Variants in EYS observed in about 807,000 individuals in gnomAD.
The protein encoded by EYS is EGF-like photoreceptor maintenance factor.
EYS carries 250 observed loss-of-function variants against 282.1 expected under a neutral mutation model. The ratio of observed to expected loss-of-function variants is 0.89; its 90% CI spans 0.80 to 0.98. EYS has a LOEUF of 0.98. Ranked by LOEUF, EYS falls within the 50% of genes least tolerant of loss-of-function variation. The probability of loss-of-function intolerance (pLI) is 0.00; values close to 1 mark genes in which losing one functional copy is unlikely to be tolerated. For missense variants in EYS, 4,016 were observed against 3,709.0 expected, an observed-to-expected ratio of 1.08 and a Z score of -2.15; for synonymous variants, 1,355 against 1,282.9, an observed-to-expected ratio of 1.06 and a Z score of -1.20.
chr6:64,653,612 T>A (rs1562114558), intron 22 of EYS, among the ~76,000 whole-genome samples: 1 of 152,088 alleles, frequency 6.6e-6, no homozygotes, highest in Non-Finnish European at 1.5e-5. Context: ...TTCCCCAGGC[T>A]GGAAGGCAGT....
intron 13 of EYS, among the ~76,000 whole-genome samples, chr6:65,039,353 C>A (rs1026692487): frequency 6.6e-6 from 1 of 151,392 alleles, no homozygotes; most frequent in African/African-American, 2.4e-5. Flanking sequence ...TTTTCACTTT[C>A]ATTGATCAAA....
chr6:65,213,031 A>ATT (rs1420205130), intron 12 of EYS, among the ~76,000 whole-genome samples: 1 of 150,810 alleles, frequency 6.6e-6, no homozygotes, highest in African/African-American at 2.4e-5. Flanking sequence ...GTTTTTCTTT[A>ATT]TTTTTTTTTC....
chr6:64,821,848 C>A (rs1179150077), intron 20 of EYS, 125 bp from the exon 21 acceptor site: 2 of 519,102 alleles, frequency 3.9e-6, no homozygotes, highest in Non-Finnish European at 6.9e-6. Context: ...ATGAGCAATA[C>A]AAAGCAGAGT....
intron 22 of EYS, among the ~76,000 whole-genome samples, chr6:64,662,501 G>T (rs1005006788): frequency 7.9e-5 from 12 of 152,032 alleles, no homozygotes; most frequent in African/African-American, 2.2e-4. Context: ...ATAATTTATT[G>T]TCCCGTGGGA....
At chr6:64,111,260 T>C (rs1369442783) in intron 31 of EYS, among the ~76,000 whole-genome samples, 1 of 152,058 alleles carries the variant, frequency 6.6e-6, no homozygotes, top group Non-Finnish European at 1.5e-5. Context: ...ATGTCTGCCT[T>C]AGAAGGCAGG....
At chr6:63,908,875 G>C (rs1773849364) in intron 35 of EYS, among the ~76,000 whole-genome samples, 1 of 152,104 alleles carries the variant, frequency 6.6e-6, no homozygotes, top group South Asian at 2.1e-4. Flanking sequence ...AGTGGAAAAA[G>C]ATGTTTCTGG....
intron 14 of EYS, among the ~76,000 whole-genome samples, chr6:64,947,403 C>A (rs904100973): frequency 1.3e-5 from 2 of 151,722 alleles, no homozygotes; most frequent in African/African-American, 4.8e-5. Context: ...TTGAACAGGG[C>A]CAATTGGTTT....
intron 35 of EYS, among the ~76,000 whole-genome samples, chr6:63,956,615 G>C (rs1477262088): frequency 6.6e-6 from 1 of 152,046 alleles, no homozygotes; most frequent in Non-Finnish European, 1.5e-5. Context: ...TTGACAATTG[G>C]ATGTCTTTAT....
intron 22 of EYS, among the ~76,000 whole-genome samples, chr6:64,649,561 A>T (rs1768483379): frequency 6.6e-6 from 1 of 152,114 alleles, no homozygotes; most frequent in South Asian, 2.1e-4. Context: ...GATGGTCTTC[A>T]ACTCCTAACC....
chr6:65,208,010 T>G (rs146672942), intron 12 of EYS, among the ~76,000 whole-genome samples: 372 of 151,696 alleles, frequency 2.5e-3, no homozygotes, highest in Non-Finnish European at 4.4e-3. Context: ...CAAAAATAGA[T>G]AACTGGGAAT....
chr6:64,414,352 T>C (rs1773998922), intron 28 of EYS, among the ~76,000 whole-genome samples: 1 of 152,072 alleles, frequency 6.6e-6, no homozygotes, highest in Non-Finnish European at 1.5e-5. Flanking sequence ...TTGTGTAAAA[T>C]TAAGTTTGAG....
At position 64,728,209 on chromosome 6, in the gene EYS, C is replaced by T. The variant is rs114129523; in HGVS notation, c.3443+85169G>A. Among the ~76,000 whole-genome samples the T allele has an allele frequency of 2.1e-3, 324 of 152,228 alleles. 2 individuals carry two copies. Among genetic ancestry groups the T allele is most frequent in the African/African-American group, 7.5e-3 (312 of 41,540 alleles). On this transcript the variant is annotated intron_variant, in intron 22 of 42. Transcript: ENST00000503581. ...GTCTAGTGAGGAGTACCCATGACCC[C>T]TGAAGCCCCAGAGGATGTGAGTTAC...
intron 19 of EYS, among the ~76,000 whole-genome samples, chr6:64,873,921 C>T (rs777315126): frequency 2.8e-4 from 43 of 152,052 alleles, no homozygotes; most frequent in Non-Finnish European, 5.0e-4. Context: ...GCCAAGATTT[C>T]AAATTGCAAA....
At chr6:64,047,985 A>C (rs1770684435) in intron 33 of EYS, among the ~76,000 whole-genome samples, 1 of 152,136 alleles carries the variant, frequency 6.6e-6, no homozygotes. Flanking sequence ...GGCTCACTGC[A>C]ACCTCTGCCT....
At chr6:64,329,585 T>C (rs1770563738) in intron 29 of EYS, among the ~76,000 whole-genome samples, 1 of 152,038 alleles carries the variant, frequency 6.6e-6, no homozygotes, top group Non-Finnish European at 1.5e-5. Context: ...TAGCCATAAA[T>C]CAGGCACCCG....
At chr6:64,805,019 C>T (rs1226729641) in intron 22 of EYS, among the ~76,000 whole-genome samples, 2 of 151,834 alleles carry the variant, frequency 1.3e-5, no homozygotes, top group Admixed American at 6.6e-5. Context: ...AAAATATTTG[C>T]TGAATTAAGT....
intron 22 of EYS, among the ~76,000 whole-genome samples, chr6:64,690,490 AG>A (rs563762881): frequency 2.0e-4 from 31 of 152,330 alleles, no homozygotes; most frequent in Middle Eastern, 3.4e-3. Flanking sequence ...ATATACCCAA[AG>A]GATTATAAAT....
At chr6:65,542,473 ATG>A (rs35318949) in intron 2 of EYS, among the ~76,000 whole-genome samples, 13,885 of 146,232 alleles carry the variant, frequency 0.095, 1,386 homozygotes, top group African/African-American at 0.25. Flanking sequence ...TAACAATAGA[ATG>A]TGTGTGTGTG....
At chr6:63,784,275 C>T (rs577072190) in intron 39 of EYS, among the ~76,000 whole-genome samples, 1 of 152,300 alleles carries the variant, frequency 6.6e-6, no homozygotes, top group African/African-American at 2.4e-5. Context: ...CTCTCTCTCT[C>T]TCTCTCTGTG....
Sources: allele counts gnomAD v4.1 joint callset (sites outside exome capture counted in the v4.1 genomes callset), GRCh38; gene constraint gnomAD v4.1.1; transcripts MANE v1.5; gene names NCBI Gene and HGNC (gene_info 2026-07-23, HGNC 2026-07-21).